Variants in HERC2 observed in about 807,000 individuals in gnomAD.
The protein encoded by HERC2 is E3 ubiquitin-protein ligase HERC2.
HERC2 carries 102 observed loss-of-function variants against 537.7 expected under a neutral mutation model. That is an observed-to-expected ratio of 0.19 (90% confidence interval 0.16 to 0.22). The LOEUF (loss-of-function observed/expected upper bound fraction) is 0.22. HERC2 is among the 10% of genes least tolerant of loss of function. HERC2 has a pLI of 1.00. For missense variants in HERC2, 4,236 were observed against 6,198.2 expected, an observed-to-expected ratio of 0.68 and a Z score of 10.63; for synonymous variants, 2,224 against 2,466.2, an observed-to-expected ratio of 0.90 and a Z score of 2.91.
intron 90 of HERC2, among the ~76,000 whole-genome samples, chr15:28,114,222 G>A (rs565384905): frequency 1.4e-4 from 21 of 152,316 alleles, no homozygotes; most frequent in African/African-American, 4.3e-4. Flanking sequence ...CCAAAGGACC[G>A]TGCACAGTCA....
At chr15:28,227,720 CA>C (rs1295906557) in intron 35 of HERC2, among the ~76,000 whole-genome samples, 1 of 152,032 alleles carries the variant, frequency 6.6e-6, no homozygotes, top group Non-Finnish European at 1.5e-5. Context: ...GCACTATTCA[CA>C]AAAGTCAAAA....
At chr15:28,255,813 G>T in intron 19 of HERC2, 59 bp downstream of exon 19, 1 of 1,542,870 alleles carries the variant, frequency 6.5e-7, no homozygotes, top group Non-Finnish European at 8.8e-7. Flanking sequence ...TCACGTGTGT[G>T]AGTGTGGTAT....
chr15:28,164,531 C>T (rs1288965563), intron 68 of HERC2, among the ~76,000 whole-genome samples: 1 of 150,058 alleles, frequency 6.7e-6, no homozygotes, highest in Non-Finnish European at 1.5e-5. Flanking sequence ...TTGAAATGTA[C>T]CTACCATTTT....
In HERC2 at chr15:28,111,088, C is replaced by G. The variant is rs924831921; in HGVS notation, c.*675G>C. The G allele has an allele frequency of 2.0e-5, 3 of 152,184 alleles. No individual in the cohort carries two copies. Among genetic ancestry groups the G allele is most frequent in the Non-Finnish European group, 4.4e-5 (3 of 68,026 alleles). The allele number at this position is 152,184 out of a possible 1,614,324, so 9.4% of individuals were successfully genotyped here. A position where few individuals can be genotyped will look rare whatever the true frequency, so the allele number is the denominator to read the frequency against. ...TAGATAATTAAAATTTAGGCATATA[C>G]ATGACACAAACATTATATATAGTAC... On this transcript the variant is annotated 3_prime_UTR_variant, in exon 93 of 93. Transcript: ENST00000261609.
intron 74 of HERC2, 58 bp downstream of exon 74, chr15:28,143,815 G>A (rs1891469050): frequency 2.5e-6 from 4 of 1,605,988 alleles, no homozygotes; most frequent in Non-Finnish European, 3.4e-6. Flanking sequence ...GACTACTAAA[G>A]CAACATTTTA....
intron 35 of HERC2, 92 bp from the exon 36 acceptor site, chr15:28,222,307 T>C (rs571827670): frequency 1.6e-6 from 1 of 627,858 alleles, no homozygotes; most frequent in South Asian, 1.8e-5. Context: ...CTAATGAAGA[T>C]CGTAATTTTG....
intron 35 of HERC2, 67 bp downstream of exon 35, chr15:28,228,151 A>G: frequency 1.5e-6 from 2 of 1,363,070 alleles, no homozygotes; most frequent in South Asian, 1.3e-5. Flanking sequence ...AAAAGAAAAG[A>G]AAAGAAAAGA....
intron 20 of HERC2, among the ~76,000 whole-genome samples, chr15:28,252,961 G>C (rs2075131608): frequency 6.6e-6 from 1 of 152,224 alleles, no homozygotes; most frequent in South Asian, 2.1e-4. Context: ...CCAGCTGAGA[G>C]CTGTGGCCAC....
chr15:28,140,538 C>T (rs1007531481), intron 78 of HERC2, among the ~76,000 whole-genome samples: 17 of 151,840 alleles, frequency 1.1e-4, no homozygotes, highest in African/African-American at 4.8e-5. Flanking sequence ...TTTTTGGGGG[C>T]GGAGACAGAA....
At chr15:28,274,593 A>G (rs1387811680) in intron 6 of HERC2, 146 bp from the exon 7 acceptor site, 4 of 813,406 alleles carry the variant, frequency 4.9e-6, no homozygotes, top group African/African-American at 1.7e-5. Context: ...GCTCCAGTCA[A>G]TTCTGTGTTT....
chr15:28,202,741 A>G (rs1898040493), intron 45 of HERC2, 127 bp from the exon 46 acceptor site: 2 of 356,784 alleles, frequency 5.6e-6, no homozygotes. Flanking sequence ...GCCCGCATTC[A>G]CATGTGTGTT....
intron 10 of HERC2, among the ~76,000 whole-genome samples, chr15:28,269,653 T>C (rs1387276787): frequency 6.6e-6 from 1 of 152,252 alleles, no homozygotes; most frequent in Non-Finnish European, 1.5e-5. Context: ...TTGCATTTCA[T>C]TTTAACAGAG....
rs1221574990 is a variant in HERC2, at chr15:28,229,762, T to C, written c.4895A>G (p.Gln1632Arg). 3 of 1,515,036 alleles carry C rather than the reference T, an allele frequency of 2.0e-6. No homozygotes were observed. Among genetic ancestry groups the C allele is most frequent in the East Asian group, 2.3e-5 (1 of 44,432 alleles). 93.8% of individuals were successfully genotyped at this position (1,515,036 alleles called of 1,614,324 possible). The change falls in exon 32 of 93, where the codon CAG (glutamine) becomes CGG (arginine). Residue 1632 changes from glutamine to arginine, a missense_variant. Gln to Arg is a conservative substitution (Grantham distance 43). Transcript: ENST00000261609. Reference protein sequence around the residue: ...LKQNVQGLYPQSPLLSTIAEF... With the variant: ...LKQNVQGLYPRSPLLSTIAEF... ...AGCAATTGTACTGAGGAGTGGAGACTGCGGATAAAGACCCTGCACATTCTG... is the reference window on the plus strand; with the variant it reads ...AGCAATTGTACTGAGGAGTGGAGACCGCGGATAAAGACCCTGCACATTCTG...
Position 28,130,603 on chromosome 15 carries a change from G to A in HERC2, c.12571-9C>T. Reference sequence around the variant, plus strand: ...CCAGTAAGAGAATCAATCTAGAGGGGGAAAAGGTTCAATTAGACAGACAGC... The same window carrying A: ...CCAGTAAGAGAATCAATCTAGAGGGAGAAAAGGTTCAATTAGACAGACAGC... On this transcript the variant is annotated splice_polypyrimidine_tract_variant and intron_variant, in intron 81 of 92. Coordinates refer to ENST00000261609, the MANE Select transcript of HERC2 (RefSeq NM_004667.6). 1.9e-6 allele frequency: 3 copies of A among 1,598,768 alleles called. No individual in the cohort carries two copies. The highest frequency in any genetic ancestry group is 1.1e-5 in the South Asian group (1 of 90,770).
At chr15:28,134,507 A>G (rs1890418460) in intron 79 of HERC2, among the ~76,000 whole-genome samples, 1 of 152,184 alleles carries the variant, frequency 6.6e-6, no homozygotes. Context: ...GTTGAAGAGA[A>G]GTGGTGATAG....
At chr15:28,188,753 TG>T (rs2140246819) in intron 55 of HERC2, among the ~76,000 whole-genome samples, 1 of 152,116 alleles carries the variant, frequency 6.6e-6, no homozygotes, top group South Asian at 2.1e-4. Context: ...GTGACAGGTT[TG>T]TGAGGGTTCC....
At chr15:28,280,532 G>A (rs965078794) in intron 4 of HERC2, among the ~76,000 whole-genome samples, 1 of 152,072 alleles carries the variant, frequency 6.6e-6, no homozygotes, top group Non-Finnish European at 1.5e-5. Context: ...ACTTGTCCGA[G>A]GCCACACAGA....
At chr15:28,280,332 CCA>C in intron 4 of HERC2, 45 bp from the exon 5 acceptor site, 1 of 1,483,710 alleles carries the variant, frequency 6.7e-7, no homozygotes, top group Non-Finnish European at 9.2e-7. Flanking sequence ...GACAATGTGG[CCA>C]CAGTTTGTTG....
chr15:28,293,094 C>T (rs2076363382), intron 3 of HERC2, 72 bp from the exon 4 acceptor site: 2 of 1,409,458 alleles, frequency 1.4e-6, no homozygotes, highest in Non-Finnish European at 1.9e-6. Flanking sequence ...TGCAAATGTC[C>T]CTCCCCGAAA....
Sources: allele counts gnomAD v4.1 joint callset (sites outside exome capture counted in the v4.1 genomes callset), GRCh38; gene constraint gnomAD v4.1.1; transcripts MANE v1.5; gene names NCBI Gene and HGNC (gene_info 2026-07-23, HGNC 2026-07-21).